The following USH2A variants were observed in gnomAD, a reference collection of about 807,000 sequenced individuals.
USH2A encodes usherin, also known as Usher syndrome 2A (autosomal recessive, mild).
In USH2A, 443 loss-of-function variants were observed where a neutral mutation model predicts 538.9. That is an observed-to-expected ratio of 0.82 (90% CI 0.76 to 0.89). USH2A has a LOEUF of 0.89. Ranked by LOEUF, USH2A falls within the 40% of genes least tolerant of loss-of-function variation. USH2A has a pLI of 0.00. For missense variants in USH2A, 6,633 were observed against 6,324.8 expected, an observed-to-expected ratio of 1.05 and a Z score of -1.65; for synonymous variants, 2,413 against 2,273.5, an observed-to-expected ratio of 1.06 and a Z score of -1.75.
intron 32 of USH2A, among the ~76,000 whole-genome samples, chr1:216,019,656 T>A (rs6540927): frequency 0.61 from 93,170 of 152,074 alleles, 28,893 homozygotes; most frequent in East Asian, 0.75. Flanking sequence ...TGTGATAAAA[T>A]TGTCTGCTTC....
Position 216,073,240 on chromosome 1 carries a change from G to A in USH2A, c.5633C>T (p.Ser1878Phe), listed in dbSNP as rs753536331. The change falls in exon 28 of 72, where the codon TCT becomes TTT. Residue 1878 changes from serine (S) to phenylalanine (F), a missense_variant. Transcript: ENST00000307340. ...GACTCTGACAGCACCGCTGGACACA[G>A]ATGCCAAGTTAACGACAGCACCCCG... is the stretch of plus-strand genomic sequence containing the variant. The part of the protein sequence containing the change: ...FTRGAVVNLA[S>F]VSSGAVRVNL... The A allele has an allele frequency of 2.1e-5, 34 of 1,613,888 alleles. No individual in the cohort carries two copies. The highest frequency in any genetic ancestry group is 2.8e-5 in the Non-Finnish European group (33 of 1,179,940).
chr1:216,222,037 C>G (rs2035465758), intron 14 of USH2A, among the ~76,000 whole-genome samples: 1 of 152,118 alleles, frequency 6.6e-6, no homozygotes, highest in African/African-American at 2.4e-5. Flanking sequence ...AGCTGAATGG[C>G]CATTCACCAG....
chr1:216,176,702 C>T (rs1421631764), intron 20 of USH2A, among the ~76,000 whole-genome samples: 1 of 152,020 alleles, frequency 6.6e-6, no homozygotes, highest in African/African-American at 2.4e-5. Flanking sequence ...TCCTCTGTGC[C>T]CTGCCTATTC....
At chr1:216,343,733 T>C (rs899334196) in intron 4 of USH2A, among the ~76,000 whole-genome samples, 2 of 152,004 alleles carry the variant, frequency 1.3e-5, no homozygotes, top group Non-Finnish European at 2.9e-5. Flanking sequence ...AATTATCTGA[T>C]CTCTGTTTAG....
chr1:215,760,103 A>G (rs1660936334), intron 56 of USH2A, among the ~76,000 whole-genome samples: 1 of 152,212 alleles, frequency 6.6e-6, no homozygotes, highest in Non-Finnish European at 1.5e-5. Context: ...CTCTGAGAGT[A>G]TTTTAAATCA....
intron 3 of USH2A, among the ~76,000 whole-genome samples, chr1:216,415,453 A>G (rs919791858): frequency 6.6e-6 from 1 of 151,540 alleles, no homozygotes; most frequent in Non-Finnish European, 1.5e-5. Flanking sequence ...AAGACTACAG[A>G]GTAGCATAAC....
chr1:216,293,227 T>C (rs1348413506), intron 9 of USH2A, among the ~76,000 whole-genome samples: 1 of 152,142 alleles, frequency 6.6e-6, no homozygotes, highest in East Asian at 1.9e-4. Context: ...GGTTTCACCC[T>C]GTTAGCCAGC....
At chr1:216,361,756 G>C (rs1257404417) in intron 4 of USH2A, among the ~76,000 whole-genome samples, 2 of 152,250 alleles carry the variant, frequency 1.3e-5, no homozygotes, top group South Asian at 4.1e-4. Flanking sequence ...ATCCTCAAAT[G>C]TTGCTTGTTG....
intron 30 of USH2A, among the ~76,000 whole-genome samples, chr1:216,053,380 T>A (rs2030862708): frequency 6.6e-6 from 1 of 152,026 alleles, no homozygotes; most frequent in African/African-American, 2.4e-5. Flanking sequence ...ACTGAAGAAG[T>A]ATATCCTGAA....
intron 4 of USH2A, among the ~76,000 whole-genome samples, chr1:216,356,505 C>T (rs191802061): frequency 3.2e-4 from 48 of 152,096 alleles, no homozygotes; most frequent in Admixed American, 8.5e-4. Context: ...AACATTTTGG[C>T]ATATTTCCTT....
chr1:216,008,782 T>C (rs1246591635), intron 32 of USH2A, among the ~76,000 whole-genome samples: 1 of 152,084 alleles, frequency 6.6e-6, no homozygotes, highest in Admixed American at 6.5e-5. Context: ...CTTCAATCTC[T>C]CCCTTCTCTT....
chr1:215,989,564 A>AT (rs2102473560), intron 35 of USH2A, among the ~76,000 whole-genome samples: 1 of 152,124 alleles, frequency 6.6e-6, no homozygotes. Context: ...ACAAATGCAA[A>AT]TTTTTTGCAT....
intron 47 of USH2A, among the ~76,000 whole-genome samples, chr1:215,822,678 T>G (rs1353444218): frequency 6.6e-6 from 1 of 151,902 alleles, no homozygotes; most frequent in Non-Finnish European, 1.5e-5. Flanking sequence ...TGTAAGTGGG[T>G]ATCCTTGTCT....
intron 21 of USH2A, among the ~76,000 whole-genome samples, chr1:216,166,491 G>T (rs963239856): frequency 6.6e-6 from 1 of 152,092 alleles, no homozygotes; most frequent in Non-Finnish European, 1.5e-5. Flanking sequence ...AAAATAATTC[G>T]TTTGAAGAAC....
intron 6 of USH2A, among the ~76,000 whole-genome samples, chr1:216,324,741 A>T (rs114809588): frequency 0.053 from 8,117 of 152,274 alleles, 294 homozygotes; most frequent in Middle Eastern, 0.11. Flanking sequence ...AATCTCAAAC[A>T]TAAGGTCCTA....
chr1:215,775,170 A>G (rs1661426475), intron 55 of USH2A, among the ~76,000 whole-genome samples: 1 of 152,152 alleles, frequency 6.6e-6, no homozygotes, highest in Non-Finnish European at 1.5e-5. Context: ...AGCTAATTCC[A>G]GACTGCTGGA....
chr1:216,078,671 C>T (rs1475331929), intron 26 of USH2A, among the ~76,000 whole-genome samples: 1 of 152,050 alleles, frequency 6.6e-6, no homozygotes, highest in African/African-American at 2.4e-5. Context: ...AGATTAAACC[C>T]CTGCATAAGT....
chr1:215,867,185 T>G lies in USH2A; in HGVS notation c.8682-15A>C, dbSNP rs1664495581. 7 of 1,612,730 alleles carry G rather than the reference T, an allele frequency of 4.3e-6. No homozygotes were observed. The highest frequency in any genetic ancestry group is 5.9e-6 in the Non-Finnish European group (7 of 1,179,320). On this transcript the variant is annotated splice_polypyrimidine_tract_variant and intron_variant, in intron 43 of 71. Transcript: ENST00000307340. ...AGGTTGTAAACCTAAAATGTTGTTTTGTTAAAAAAAGTATATGAATTTCTA... is the reference window on the plus strand; with the variant it reads ...AGGTTGTAAACCTAAAATGTTGTTTGGTTAAAAAAAGTATATGAATTTCTA...
Position 215,702,968 on chromosome 1 carries a change from T to C in USH2A, c.12067-22592A>G, listed in dbSNP as rs555705080. 2.6e-5 allele frequency among the ~76,000 whole-genome samples: 4 copies of C among 152,300 alleles called. No homozygotes were observed. In the East Asian group the frequency reaches 7.8e-4, roughly 30 times the overall value. On this transcript the variant is annotated intron_variant, in intron 61 of 71. Transcript: ENST00000307340. ...TGGATTTATCTACCTTTATCTTTGA[T>C]ATTGGTGACCTTCGGATGGGGTTGT...
Sources: allele counts gnomAD v4.1 joint callset (sites outside exome capture counted in the v4.1 genomes callset), GRCh38; gene constraint gnomAD v4.1.1; transcripts MANE v1.5; gene names NCBI Gene and HGNC (gene_info 2026-07-23, HGNC 2026-07-21).